Variants in KIAA1614 observed in about 807,000 individuals in gnomAD.
KIAA1614 encodes the protein uncharacterized protein KIAA1614.
In KIAA1614, 76 loss-of-function variants were observed where a neutral mutation model predicts 88.7. That is an observed-to-expected ratio of 0.86 (90% CI 0.71 to 1.04). KIAA1614 has a LOEUF of 1.04. Ranked by LOEUF, KIAA1614 falls within the 50% of genes least tolerant of loss-of-function variation. KIAA1614 has a pLI of 0.00. For missense variants in KIAA1614, 1,553 were observed against 1,582.5 expected, an observed-to-expected ratio of 0.98 and a Z score of 0.32; for synonymous variants, 714 against 675.5, an observed-to-expected ratio of 1.06 and a Z score of -0.88.
At chr1:180,929,383 G>C (rs751612402) in intron 4 of KIAA1614, among the ~76,000 whole-genome samples, 4 of 152,284 alleles carry the variant, frequency 2.6e-5, no homozygotes, top group African/African-American at 7.2e-5. Flanking sequence ...TCAGCCGAGG[G>C]GTGAGGCCTC....
intron 6 of KIAA1614, among the ~76,000 whole-genome samples, chr1:180,940,294 A>C (rs1446585382): frequency 6.6e-6 from 1 of 152,216 alleles, no homozygotes; most frequent in African/African-American, 2.4e-5. Flanking sequence ...TGAGGTCAGG[A>C]GTTCGAGACC....
At chr1:180,922,896 C>T (rs965207887) in intron 3 of KIAA1614, among the ~76,000 whole-genome samples, 6 of 152,220 alleles carry the variant, frequency 3.9e-5, no homozygotes, top group African/African-American at 1.4e-4. Context: ...ATGCCAATTG[C>T]AAGTCCCAGG....
chr1:180,929,304 G>A (rs189672676), intron 4 of KIAA1614, among the ~76,000 whole-genome samples: 90 of 152,280 alleles, frequency 5.9e-4, no homozygotes, highest in Admixed American at 5.0e-3. Flanking sequence ...GGGTGTGGGA[G>A]GTGTGAGAAG....
chr1:180,919,907 T>G (rs1241181454), intron 3 of KIAA1614, among the ~76,000 whole-genome samples: 1 of 152,062 alleles, frequency 6.6e-6, no homozygotes, highest in East Asian at 1.9e-4. Flanking sequence ...TACTGTATGG[T>G]GTGTGCCTGG....
chr1:180,917,249 C>T (rs563579883), intron 2 of KIAA1614, 149 bp downstream of exon 2: 40 of 658,854 alleles, frequency 6.1e-5, no homozygotes, highest in African/African-American at 6.0e-4. Flanking sequence ...ATCAGGATGG[C>T]CTCTTGTCCT....
Position 180,916,626 on chromosome 1 carries a change from C to A in KIAA1614, c.523C>A (p.Pro175Thr). The part of the protein sequence containing the change: ...GGPRLPRPPA[P>T]GREYCNRGSP... ...CCCCAGGCTTCCCAGGCCGCCTGCC[C>A]CTGGACGTGAGTACTGCAACAGGGG... Residue 175 changes from proline (P) to threonine (T), a missense_variant, in exon 2 of 9, where the codon CCT becomes ACT. By Grantham distance (38) the Pro-to-Thr change is conservative (BLOSUM62 -1). Transcript: ENST00000367588. 2 of 1,601,996 alleles carry A rather than the reference C, an allele frequency of 1.2e-6. No individual in the cohort carries two copies. The highest frequency in any genetic ancestry group is 4.5e-5 in the East Asian group (2 of 44,704).
Position 180,938,567 on chromosome 1 carries a change from G to C in KIAA1614, c.2774G>C (p.Gly925Ala), listed in dbSNP as rs368897390. Residue 925 changes from glycine to alanine, a missense_variant, in exon 6 of 9, where the codon GGC becomes GCC. Transcript: ENST00000367588. ...LENSRDGGPQ[G>A]FLGSADVATI... ...GTGCTTGTTTCAGGAGGACCCCAGG[G>C]CTTTCTTGGCTCAGCAGATGTTGCC... is the stretch of plus-strand genomic sequence containing the variant. 33 of 1,614,060 alleles carry C rather than the reference G, an allele frequency of 2.0e-5. No homozygotes were observed. The African/African-American group carries it at 3.6e-4, about 18-fold the overall frequency.
rs774926889 is a variant in KIAA1614, at chr1:180,936,301, A to G, written c.2392A>G (p.Thr798Ala). Residue 798 changes from threonine to alanine, a missense_variant, in exon 5 of 9, where the codon ACA (threonine) becomes GCA (alanine). Coordinates refer to ENST00000367588, the MANE Select transcript of KIAA1614 (RefSeq NM_020950.2). ...TGCCCCACACCAAGCCTGGCAGCCAACAGCTTCCTTGTGTCCTGAAGGCTG... is the reference window on the plus strand; with the variant it reads ...TGCCCCACACCAAGCCTGGCAGCCAGCAGCTTCCTTGTGTCCTGAAGGCTG... The part of the protein sequence containing the change: ...PSAPHQAWQP[T>A]ASLCPEGWAP... 10 of 1,614,068 alleles carry G rather than the reference A, an allele frequency of 6.2e-6. No individual in the cohort carries two copies. The highest frequency in any genetic ancestry group is 3.3e-5 in the Admixed American group (2 of 60,006).
intron 7 of KIAA1614, among the ~76,000 whole-genome samples, chr1:180,943,808 A>G (rs1360969172): frequency 1.3e-5 from 2 of 151,960 alleles, no homozygotes; most frequent in African/African-American, 4.8e-5. Flanking sequence ...TCAGCCTCCT[A>G]AAGTGCTGGG....
intron 3 of KIAA1614, among the ~76,000 whole-genome samples, chr1:180,924,673 C>T (rs1654028515): frequency 6.6e-6 from 1 of 152,152 alleles, no homozygotes; most frequent in African/African-American, 2.4e-5. Flanking sequence ...GCCACCTTTT[C>T]TATGGAGCCC....
chr1:180,937,119 C>G (rs748401560), intron 5 of KIAA1614, among the ~76,000 whole-genome samples: 1 of 152,266 alleles, frequency 6.6e-6, no homozygotes, highest in Non-Finnish European at 1.5e-5. Flanking sequence ...ATGGCTGAGG[C>G]CCTGCCCCTC....
intron 1 of KIAA1614, among the ~76,000 whole-genome samples, chr1:180,914,631 C>A (rs1314512427): frequency 6.6e-6 from 1 of 152,156 alleles, no homozygotes; most frequent in African/African-American, 2.4e-5. Flanking sequence ...CTCACTGTAA[C>A]CTCCGCCTTC....
rs1401527627 is a variant in KIAA1614, at chr1:180,936,055, C to A, written c.2146C>A (p.Arg716=). 2 of 1,614,112 alleles carry A rather than the reference C, an allele frequency of 1.2e-6. No individual in the cohort carries two copies. The highest frequency in any genetic ancestry group is 2.2e-5 in the South Asian group (2 of 91,078). ...CAAGCCTCCTGACCTGGAGTTGAAG[C>A]GGGTGTCCCTGGGACCCCAGTGGCA... The part of the protein sequence containing the change: ...DAKPPDLELK[R]VSLGPQWQPG... Residue 716 remains arginine, a synonymous_variant, in exon 5 of 9, where the codon CGG becomes AGG. Coordinates refer to ENST00000367588, the MANE Select transcript of KIAA1614 (RefSeq NM_020950.2).
intron 7 of KIAA1614, among the ~76,000 whole-genome samples, chr1:180,942,251 T>C (rs1327211809): frequency 6.6e-6 from 1 of 152,260 alleles, no homozygotes; most frequent in Non-Finnish European, 1.5e-5. Flanking sequence ...CAATACATAC[T>C]GAGTGGTGAG....
At position 180,945,289 on chromosome 1, in the gene KIAA1614, T is replaced by C. The variant is rs1352844738; in HGVS notation, c.3288-14T>C. On this transcript the variant is annotated splice_polypyrimidine_tract_variant and intron_variant, in intron 8 of 8. Coordinates refer to ENST00000367588, the MANE Select transcript of KIAA1614 (RefSeq NM_020950.2). ...ATGCTTTTTGCCCTCACTGTGTCTC[T>C]GGTTCCCTCGCAGGCCGGCCAAGAC... 6.3e-7 allele frequency: 1 copy of C among 1,575,518 alleles called. No homozygotes were observed. The highest frequency in any genetic ancestry group is 8.5e-7 in the Non-Finnish European group (1 of 1,169,704).
Position 180,916,425 on chromosome 1 carries a change from C to G in KIAA1614, c.322C>G (p.Gln108Glu). Residue 108 changes from glutamine to glutamate, a missense_variant, in exon 2 of 9, where the codon CAA becomes GAA. Transcript: ENST00000367588. ...KQGVSPCSAS[Q>E]EWSSPKKPQC... ...GGGAGTGAGTCCCTGCTCTGCTTCC[C>G]AAGAGTGGTCATCCCCCAAGAAACC... The G allele has an allele frequency of 6.8e-6, 11 of 1,614,188 alleles. No homozygotes were observed. Among genetic ancestry groups the G allele is most frequent in the Non-Finnish European group, 9.3e-6 (11 of 1,180,022 alleles).
Position 180,945,530 on chromosome 1 carries a change from T to A in KIAA1614, c.3515T>A (p.Leu1172His). 6.2e-7 allele frequency: 1 copy of A among 1,613,792 alleles called. No homozygotes were observed. Among genetic ancestry groups the A allele is most frequent in the East Asian group, 2.2e-5 (1 of 44,876 alleles). ...PLPQPHGWGG[L>H]SKQGRAFWLW... is the part of the protein sequence containing the mutation. ...CCTCAGCCCCATGGCTGGGGCGGCCTTAGCAAACAAGGCAGGGCCTTCTGG... is the reference window on the plus strand; with the variant it reads ...CCTCAGCCCCATGGCTGGGGCGGCCATAGCAAACAAGGCAGGGCCTTCTGG... The change falls in exon 9 of 9, where the codon CTT (leucine) becomes CAT (histidine). Residue 1172 changes from leucine to histidine, a missense_variant. Leu to His is a moderately conservative substitution (Grantham distance 99). Transcript: ENST00000367588.
intron 4 of KIAA1614, 129 bp downstream of exon 4, chr1:180,928,702 C>A: frequency 9.5e-7 from 1 of 1,052,552 alleles, no homozygotes; most frequent in Non-Finnish European, 1.3e-6. Context: ...GTGTGTTTTC[C>A]ATATAAGGCT....
chr1:180,945,057 G>A (rs914593331), intron 8 of KIAA1614: 15 of 506,172 alleles, frequency 3.0e-5, no homozygotes, highest in African/African-American at 1.8e-4. Flanking sequence ...CCCAAAATTT[G>A]AAACCACTGC....
Sources: gnomAD v4.1 joint callset for allele counts (sites outside exome capture counted in the v4.1 genomes callset) on GRCh38, gnomAD v4.1.1 for gene constraint, MANE v1.5 for transcripts, NCBI Gene and HGNC (gene_info 2026-07-23, HGNC 2026-07-21) for gene names.